ZNF521: variants seen among roughly 807,000 people sequenced by gnomAD.
ZNF521 encodes the protein LYST-interacting protein 3.
A neutral mutation model predicts 105.5 loss-of-function variants in ZNF521; 14 were observed. That is an observed-to-expected ratio of 0.13 (90% CI 0.09 to 0.21). The LOEUF (loss-of-function observed/expected upper bound fraction) is 0.21, where lower values mean the gene tolerates loss of function less well. Among genes scored for constraint, ZNF521 ranks in the 10% least tolerant of loss-of-function variants. ZNF521 has a pLI of 1.00. For missense variants in ZNF521, 1,233 were observed against 1,629.7 expected, an observed-to-expected ratio of 0.76 and a Z score of 4.19; for synonymous variants, 635 against 606.0, an observed-to-expected ratio of 1.05 and a Z score of -0.70.
chr18:25,086,257 T>G (rs1271924458), intron 7 of ZNF521, among the ~76,000 whole-genome samples: 1 of 152,112 alleles, frequency 6.6e-6, no homozygotes, highest in Non-Finnish European at 1.5e-5. Flanking sequence ...ATAACAAAAC[T>G]GTTTCATGGT....
intron 7 of ZNF521, among the ~76,000 whole-genome samples, chr18:25,068,645 A>G (rs114497847): frequency 0.01 from 1,544 of 152,220 alleles, 33 homozygotes; most frequent in African/African-American, 0.035. Context: ...TGCAAGTCCT[A>G]CATTTCATCT....
intron 7 of ZNF521, among the ~76,000 whole-genome samples, chr18:25,066,240 G>GGCA (rs1381202362): frequency 6.6e-6 from 1 of 152,196 alleles, no homozygotes; most frequent in African/African-American, 2.4e-5. Flanking sequence ...CATGGTGGAA[G>GGCA]GCAGCACGTT....
At chr18:25,342,664 G>A (rs932311831) in intron 2 of ZNF521, among the ~76,000 whole-genome samples, 3 of 151,994 alleles carry the variant, frequency 2.0e-5, no homozygotes, top group South Asian at 2.1e-4. Flanking sequence ...TCCTGACCTC[G>A]TGATCCGCCC....
At chr18:25,301,337 G>GA (rs1304721705) in intron 3 of ZNF521, among the ~76,000 whole-genome samples, 1 of 152,208 alleles carries the variant, frequency 6.6e-6, no homozygotes, top group East Asian at 1.9e-4. Flanking sequence ...AAAAGGCAGA[G>GA]AAGTGCCTGC....
At chr18:25,283,940 A>T (rs1274733515) in intron 3 of ZNF521, among the ~76,000 whole-genome samples, 1 of 136,434 alleles carries the variant, frequency 7.3e-6, no homozygotes, top group Non-Finnish European at 1.6e-5. Context: ...CCCCAAAAAA[A>T]TTCATGAGCA....
At chr18:25,343,302 A>C (rs1226527108) in intron 2 of ZNF521, among the ~76,000 whole-genome samples, 1 of 152,200 alleles carries the variant, frequency 6.6e-6, no homozygotes, top group Non-Finnish European at 1.5e-5. Flanking sequence ...CAAAAAGGAA[A>C]TCTTATTCTT....
chr18:25,283,980 G>A (rs1029287481), intron 3 of ZNF521, among the ~76,000 whole-genome samples: 13 of 147,000 alleles, frequency 8.8e-5, no homozygotes, highest in African/African-American at 1.0e-4. Context: ...TACACTAGAC[G>A]GCTGAGTTCT....
intron 2 of ZNF521, chr18:25,327,698 A>G (rs1187191544): frequency 1.9e-6 from 1 of 518,794 alleles, no homozygotes; most frequent in Admixed American, 1.9e-5. Context: ...GAAATCCCAT[A>G]AGACGAAAAC....
intron 3 of ZNF521, among the ~76,000 whole-genome samples, chr18:25,294,380 A>G (rs745853722): frequency 1.4e-4 from 22 of 152,318 alleles, no homozygotes; most frequent in South Asian, 4.1e-4. Context: ...TTAGTTGTCA[A>G]ATTTGATTCT....
chr18:25,217,047 G>C (rs1276781335), intron 4 of ZNF521, among the ~76,000 whole-genome samples: 1 of 152,118 alleles, frequency 6.6e-6, no homozygotes, highest in Non-Finnish European at 1.5e-5. Context: ...TAAGAAGGAA[G>C]AGTCGCCAGA....
chr18:25,348,210 T>C (rs4556872), intron 2 of ZNF521, among the ~76,000 whole-genome samples: 138,256 of 152,226 alleles, frequency 0.91, 62,942 homozygotes, highest in African/African-American at 0.96. Flanking sequence ...ATAACACCTC[T>C]CTGGCTTTTC....
intron 4 of ZNF521, among the ~76,000 whole-genome samples, chr18:25,210,478 A>T (rs916900853): frequency 2.6e-5 from 4 of 152,174 alleles, no homozygotes; most frequent in African/African-American, 9.7e-5. Flanking sequence ...AATAAAATAA[A>T]TTATTTGCCT....
At chr18:25,064,089 G>A (rs1225934615) in intron 7 of ZNF521, among the ~76,000 whole-genome samples, 2 of 152,246 alleles carry the variant, frequency 1.3e-5, no homozygotes, top group African/African-American at 4.8e-5. Context: ...ATGCCAGAGC[G>A]CTGCAGTGCT....
At chr18:25,244,317 C>T (rs1907558335) in intron 3 of ZNF521, among the ~76,000 whole-genome samples, 1 of 151,978 alleles carries the variant, frequency 6.6e-6, no homozygotes, top group South Asian at 2.1e-4. Context: ...CACACACTCT[C>T]ACCCTTTATA....
chr18:25,131,673 T>C (rs1247506079), intron 5 of ZNF521, among the ~76,000 whole-genome samples: 1 of 152,178 alleles, frequency 6.6e-6, no homozygotes, highest in Non-Finnish European at 1.5e-5. Flanking sequence ...GCCTTGTACA[T>C]AGTAGGTGCT....
At chr18:25,341,760 TTC>T (rs1914213073) in intron 2 of ZNF521, among the ~76,000 whole-genome samples, 1 of 152,234 alleles carries the variant, frequency 6.6e-6, no homozygotes. Flanking sequence ...ACGTACGTCC[TTC>T]TCCTCACCTG....
chr18:25,204,206 T>C (rs1322986815), intron 4 of ZNF521, among the ~76,000 whole-genome samples: 1 of 152,200 alleles, frequency 6.6e-6, no homozygotes, highest in African/African-American at 2.4e-5. Context: ...AATGATCTAA[T>C]ACATTTATTT....
rs147020298 is a variant in ZNF521, at chr18:25,222,787, C to T, written c.3573+1558G>A. 2.4e-3 allele frequency among the ~76,000 whole-genome samples: 361 copies of T among 152,198 alleles called. 6 individuals are homozygous for T. Among genetic ancestry groups the T allele is most frequent in the Admixed American group, 0.018 (282 of 15,302 alleles). ...AATCTAAATATGAACCTCTTACAGACGATATTATGGGATTACTTAATTTCC... is the reference window on the plus strand; with the variant it reads ...AATCTAAATATGAACCTCTTACAGATGATATTATGGGATTACTTAATTTCC... On this transcript the variant is annotated intron_variant, in intron 4 of 7. Coordinates refer to ENST00000361524, the MANE Select transcript of ZNF521 (RefSeq NM_015461.3).
chr18:25,112,054 G>C (rs1334679266), intron 5 of ZNF521, among the ~76,000 whole-genome samples: 2 of 152,148 alleles, frequency 1.3e-5, no homozygotes, highest in African/African-American at 4.8e-5. Flanking sequence ...TCTGCAGGAG[G>C]CTCCAGTCCT....
Sources: allele counts gnomAD v4.1 joint callset (sites outside exome capture counted in the v4.1 genomes callset), GRCh38; gene constraint gnomAD v4.1.1; transcripts MANE v1.5; gene names NCBI Gene and HGNC (gene_info 2026-07-23, HGNC 2026-07-21).